Variants in CHD9 observed in about 807,000 individuals in gnomAD.
CHD9 encodes the protein ATP-dependent chromatin remodeler CHD9.
A neutral mutation model predicts 316.1 loss-of-function variants in CHD9; 77 were observed. The observed-to-expected ratio is 0.24, with a 90% CI of 0.20 to 0.29. CHD9 has a LOEUF of 0.29. CHD9 is among the 10% of genes least tolerant of loss of function. CHD9 has a pLI of 1.00. For synonymous variants in CHD9, 1,129 were observed against 1,158.3 expected, an observed-to-expected ratio of 0.97 and a Z score of 0.51; for missense variants, 2,763 against 3,438.1, an observed-to-expected ratio of 0.80 and a Z score of 4.91.
intron 2 of CHD9, among the ~76,000 whole-genome samples, chr16:53,167,902 T>C (rs918225454): frequency 6.6e-6 from 1 of 152,116 alleles, no homozygotes; most frequent in Non-Finnish European, 1.5e-5. Context: ...TAGACAGATA[T>C]TCTTAGAAGA....
intron 1 of CHD9, among the ~76,000 whole-genome samples, chr16:53,061,839 A>G (rs894793495): frequency 2.0e-5 from 3 of 152,138 alleles, no homozygotes; most frequent in African/African-American, 7.2e-5. Context: ...TGGGTGGGGC[A>G]CCCATAGTGT....
chr16:53,239,987 C>A (rs1007589423), intron 12 of CHD9, among the ~76,000 whole-genome samples: 5 of 152,132 alleles, frequency 3.3e-5, no homozygotes, highest in Admixed American at 2.0e-4. Context: ...GTTACAGGAG[C>A]AAAATCAGTT....
In CHD9 at chr16:53,304,283, A is replaced by C; in HGVS notation, c.6277A>C (p.Lys2093Gln). The C allele has an allele frequency of 1.2e-6, 2 of 1,611,770 alleles. No individual in the cohort carries two copies. Among genetic ancestry groups the C allele is most frequent in the Non-Finnish European group, 1.7e-6 (2 of 1,179,690 alleles). The change falls in exon 31 of 39, where the codon AAA becomes CAA. Residue 2093 changes from lysine to glutamine, a missense_variant. Around this residue, in one of 15 missense-constraint regions of CHD9, gnomAD observed 663 missense variants for 751.2 expected, o/e 0.88. Transcript: ENST00000447540. ...GVLPQATGDQ[K>Q]SGGKCETDRR... The stretch of plus-strand genomic sequence containing the variant: ...TTTACCACAGGCTACTGGAGACCAG[A>C]AATCTGGTGGAAAATGTGAAACAGA...
chr16:53,314,542 G>C (rs370254478), intron 35 of CHD9, 26 bp downstream of exon 35: 262 of 1,513,008 alleles, frequency 1.7e-4, no homozygotes, highest in Non-Finnish European at 2.1e-4. Flanking sequence ...CTTAAAAACT[G>C]ATCCTTGAAT....
intron 2 of CHD9, among the ~76,000 whole-genome samples, chr16:53,162,836 G>A (rs1465200015): frequency 1.3e-5 from 2 of 149,204 alleles, no homozygotes; most frequent in Non-Finnish European, 3.0e-5. Context: ...AGACTGGAGT[G>A]CAGTGGGGCG....
chr16:53,058,092 C>T (rs1046073042), intron 1 of CHD9, among the ~76,000 whole-genome samples: 10 of 152,012 alleles, frequency 6.6e-5, no homozygotes, highest in Middle Eastern at 3.2e-3. Context: ...TATATATCAA[C>T]AATATATATC....
At chr16:53,247,582 C>A (rs2049740684) in intron 16 of CHD9, 79 bp downstream of exon 16, 4 of 931,956 alleles carry the variant, frequency 4.3e-6, no homozygotes, top group African/African-American at 1.7e-5. Flanking sequence ...TGTAAATGAA[C>A]TTTACTCATA....
chr16:53,264,272 T>C (rs1408742960), intron 20 of CHD9, among the ~76,000 whole-genome samples: 1 of 152,130 alleles, frequency 6.6e-6, no homozygotes, highest in Non-Finnish European at 1.5e-5. Context: ...GAATATTTAA[T>C]GCACTCAGGA....
At chr16:53,120,401 G>A (rs1451253894) in intron 1 of CHD9, among the ~76,000 whole-genome samples, 3 of 151,712 alleles carry the variant, frequency 2.0e-5, no homozygotes, top group Non-Finnish European at 4.4e-5. Context: ...ATCACCTGAG[G>A]TCGGGAGTTT....
Position 53,326,901 on chromosome 16 carries a change from G to C in CHD9, c.*2006G>C, listed in dbSNP as rs1360280826. On this transcript the variant is annotated 3_prime_UTR_variant, in exon 39 of 39. Transcript: ENST00000447540. ...AAAAAAAAAGGAAAAAAAATCTGTA[G>C]ATCTTGTCACTAAAATCTAATTTAT... 6.7e-6 allele frequency: 1 copy of C among 149,754 alleles called. No homozygotes were observed. The highest frequency in any genetic ancestry group is 1.5e-5 in the Non-Finnish European group (1 of 67,518). 9.3% of individuals were successfully genotyped at this position (149,754 alleles called of 1,614,324 possible).
chr16:53,139,010 G>A (rs377361232), intron 1 of CHD9, among the ~76,000 whole-genome samples: 37 of 152,200 alleles, frequency 2.4e-4, no homozygotes, highest in African/African-American at 6.7e-4. Context: ...GTGGGAGGGC[G>A]TAAGTCTTTT....
chr16:53,275,196 T>G (rs1484553846), intron 24 of CHD9, among the ~76,000 whole-genome samples: 1 of 151,992 alleles, frequency 6.6e-6, no homozygotes, highest in African/African-American at 2.4e-5. Context: ...CCTGCCTAAT[T>G]TTTGTATTTT....
intron 2 of CHD9, among the ~76,000 whole-genome samples, chr16:53,184,065 C>G (rs1369560266): frequency 6.6e-6 from 1 of 152,094 alleles, no homozygotes; most frequent in Non-Finnish European, 1.5e-5. Context: ...CTGCCTCAGC[C>G]TCCCAAGTAG....
At chr16:53,221,679 C>T (rs138022900) in intron 3 of CHD9, among the ~76,000 whole-genome samples, 28 of 151,888 alleles carry the variant, frequency 1.8e-4, no homozygotes, top group African/African-American at 4.6e-4. Context: ...ACATATATGA[C>T]GATATACTGA....
chr16:53,167,061 G>A (rs2042315595), intron 2 of CHD9, among the ~76,000 whole-genome samples: 1 of 152,110 alleles, frequency 6.6e-6, no homozygotes, highest in Non-Finnish European at 1.5e-5. Context: ...GTGTTCAAAG[G>A]TGATCAGAAG....
intron 19 of CHD9, 114 bp from the exon 20 acceptor site, chr16:53,262,873 C>A: frequency 2.4e-6 from 2 of 829,280 alleles, no homozygotes; most frequent in East Asian, 2.6e-5. Flanking sequence ...TTGAAACACC[C>A]TTTGATGTAT....
intron 24 of CHD9, among the ~76,000 whole-genome samples, chr16:53,274,624 TTTTTTGTATTTTTAGTA>T (rs1382461148): frequency 2.6e-5 from 4 of 151,856 alleles, no homozygotes; most frequent in Admixed American, 6.6e-5. Flanking sequence ...CCCGGCTAAT[TTTTTTGTATTTTTAGTA>T]GAGACGGGGT....
At position 53,227,476 on chromosome 16, in the gene CHD9, T is replaced by A. The variant is rs761494719; in HGVS notation, c.2112+12T>A. ...CCGTAAAAAAGGAAGTAAGTACTGGTACATTACATTTTACACTTCATATTC... is the reference window on the plus strand; with the variant it reads ...CCGTAAAAAAGGAAGTAAGTACTGGAACATTACATTTTACACTTCATATTC... On this transcript the variant is annotated intron_variant, in intron 6 of 38. Transcript: ENST00000447540. 5 of 1,525,284 alleles carry A rather than the reference T, an allele frequency of 3.3e-6. No homozygotes were observed. The highest frequency in any genetic ancestry group is 4.4e-6 in the Non-Finnish European group (5 of 1,125,768). 94.5% of individuals were successfully genotyped at this position (1,525,284 alleles called of 1,614,324 possible). A position where few individuals can be genotyped will look rare whatever the true frequency, so the allele number is the denominator to read the frequency against.
chr16:53,248,022 T>C (rs1038076019), intron 16 of CHD9: 3 of 152,654 alleles, frequency 2.0e-5, no homozygotes, highest in Non-Finnish European at 4.4e-5. Context: ...CACAATAAGA[T>C]AGTGTTAAAT....
Sources: allele counts gnomAD v4.1 joint callset (sites outside exome capture counted in the v4.1 genomes callset), GRCh38; gene constraint gnomAD v4.1.1; regional missense constraint gnomAD v4.1.1; transcripts MANE v1.5; gene names NCBI Gene and HGNC (gene_info 2026-07-23, HGNC 2026-07-21).